ANKS1B: variants seen among roughly 807,000 people sequenced by gnomAD.
ANKS1B encodes the protein ankyrin repeat and sterile alpha motif domain-containing protein 1B.
A neutral mutation model predicts 148.3 loss-of-function variants in ANKS1B; 36 were observed. The ratio of observed to expected loss-of-function variants is 0.24; its 90% confidence interval spans 0.19 to 0.32. The LOEUF (loss-of-function observed/expected upper bound fraction) is 0.32, where lower values mean the gene tolerates loss of function less well. Ranked by LOEUF, ANKS1B falls within the 10% of genes least tolerant of loss-of-function variation. The probability of loss-of-function intolerance (pLI) is 1.00; values close to 1 mark genes in which losing one functional copy is unlikely to be tolerated. For synonymous variants in ANKS1B, 542 were observed against 560.8 expected (o/e 0.97, Z 0.47); for missense variants, 1,157 against 1,542.6 (o/e 0.75, Z 4.19).
intron 9 of ANKS1B, among the ~76,000 whole-genome samples, chr12:99,555,384 A>T (rs1224881158): frequency 6.6e-6 from 1 of 152,178 alleles, no homozygotes; most frequent in Non-Finnish European, 1.5e-5. Flanking sequence ...CACACCTTCA[A>T]ACAGAAATAG....
intron 1 of ANKS1B, among the ~76,000 whole-genome samples, chr12:99,980,876 A>C (rs572745472): frequency 6.6e-6 from 1 of 152,190 alleles, no homozygotes; most frequent in Non-Finnish European, 1.5e-5. Flanking sequence ...AATGAAAAGA[A>C]AAATTTTAAA....
At chr12:99,457,673 AAGAC>A (rs1942053460) in intron 10 of ANKS1B, among the ~76,000 whole-genome samples, 8 of 152,132 alleles carry the variant, frequency 5.3e-5, no homozygotes, top group Admixed American at 5.2e-4. Flanking sequence ...GCAGTTAAAA[AAGAC>A]AAAGAAGGAC....
At chr12:99,202,761 T>C (rs1324567117) in intron 14 of ANKS1B, among the ~76,000 whole-genome samples, 1 of 152,214 alleles carries the variant, frequency 6.6e-6, no homozygotes, top group Non-Finnish European at 1.5e-5. Context: ...ATATTACAAT[T>C]TGGGCTAGGC....
At chr12:98,993,058 C>T (rs888104751) in intron 17 of ANKS1B, among the ~76,000 whole-genome samples, 84 of 152,314 alleles carry the variant, frequency 5.5e-4, no homozygotes, top group Middle Eastern at 3.4e-3. Context: ...TGGTTCTCTT[C>T]TTTATATATT....
intron 10 of ANKS1B, among the ~76,000 whole-genome samples, chr12:99,462,994 T>C (rs2096010720): frequency 6.6e-6 from 1 of 152,222 alleles, no homozygotes; most frequent in African/African-American, 2.4e-5. Context: ...CCTGCAGAAC[T>C]GCAAGCCAAA....
At chr12:99,717,329 T>C (rs1458606693) in intron 8 of ANKS1B, among the ~76,000 whole-genome samples, 1 of 152,114 alleles carries the variant, frequency 6.6e-6, no homozygotes, top group Non-Finnish European at 1.5e-5. Context: ...AGCAACATAT[T>C]TCTGAGTTAC....
intron 12 of ANKS1B, among the ~76,000 whole-genome samples, chr12:99,275,074 T>C (rs539789791): frequency 6.6e-6 from 1 of 152,180 alleles, no homozygotes; most frequent in East Asian, 1.9e-4. Context: ...TGTGGGTAGA[T>C]AGTAGGTGTA....
At chr12:99,761,236 GAC>G (rs147419547) in intron 8 of ANKS1B, among the ~76,000 whole-genome samples, 3 of 149,294 alleles carry the variant, frequency 2.0e-5, no homozygotes, top group Admixed American at 6.7e-5. Context: ...ACCTGGCAAA[GAC>G]ACACACACAC....
rs1594965812 is a variant in ANKS1B, at chr12:98,832,277, T to C, written c.2779-141A>G. ...TGTGGTGTCACTTCAGTGTGACCGC[T>C]GAAGTCCAGAAAGATTGCAGTAGCA... On this transcript the variant is annotated intron_variant, in intron 17 of 26. Coordinates refer to ENST00000683438, the MANE Select transcript of ANKS1B (RefSeq NM_001352186.2). The C allele has an allele frequency of 5.8e-5, 38 of 650,516 alleles. No individual in the cohort carries two copies. In the East Asian group the frequency reaches 1.1e-3, roughly 19 times the overall value. 40.3% of individuals were successfully genotyped at this position (650,516 alleles called of 1,614,324 possible). A position where few individuals can be genotyped will look rare whatever the true frequency, so the allele number is the denominator to read the frequency against.
At chr12:99,346,485 G>C (rs1158248733) in intron 12 of ANKS1B, among the ~76,000 whole-genome samples, 1 of 151,796 alleles carries the variant, frequency 6.6e-6, no homozygotes, top group Non-Finnish European at 1.5e-5. Flanking sequence ...TGAAGCATGT[G>C]AGAGGTCTGG....
chr12:99,369,747 A>AAGAT (rs75456516), intron 12 of ANKS1B, among the ~76,000 whole-genome samples: 31,954 of 143,096 alleles, frequency 0.22, 3,599 homozygotes, highest in Admixed American at 0.28. Context: ...AATGGATAGA[A>AAGAT]AGATAGATAG....
chr12:99,330,822 G>C (rs2087383973), intron 12 of ANKS1B, among the ~76,000 whole-genome samples: 1 of 151,866 alleles, frequency 6.6e-6, no homozygotes, highest in Non-Finnish European at 1.5e-5. Flanking sequence ...ATAACTAACA[G>C]AAAAATTGGG....
At chr12:99,280,879 T>G (rs2153999760) in intron 12 of ANKS1B, among the ~76,000 whole-genome samples, 1 of 151,796 alleles carries the variant, frequency 6.6e-6, no homozygotes, top group African/African-American at 2.4e-5. Context: ...TGTCTCTCTC[T>G]CTCTCTCACA....
intron 19 of ANKS1B, among the ~76,000 whole-genome samples, chr12:98,824,146 T>C (rs2099226307): frequency 6.6e-6 from 1 of 152,268 alleles, no homozygotes; most frequent in Non-Finnish European, 1.5e-5. Flanking sequence ...TGATATTTTT[T>C]GTTACAATTT....
At chr12:99,660,832 C>T (rs1468742835) in intron 8 of ANKS1B, among the ~76,000 whole-genome samples, 1 of 152,234 alleles carries the variant, frequency 6.6e-6, no homozygotes, top group African/African-American at 2.4e-5. Flanking sequence ...AAAGGCTATG[C>T]ATGATCTGCC....
chr12:99,552,211 T>A (rs923653715), intron 9 of ANKS1B, among the ~76,000 whole-genome samples: 6 of 152,164 alleles, frequency 3.9e-5, no homozygotes, highest in African/African-American at 1.4e-4. Flanking sequence ...ACAATTATAA[T>A]GAAATGATTG....
intron 17 of ANKS1B, among the ~76,000 whole-genome samples, chr12:98,857,652 T>C (rs1433999576): frequency 6.6e-6 from 1 of 151,456 alleles, no homozygotes; most frequent in Non-Finnish European, 1.5e-5. Flanking sequence ...TATGAATAAA[T>C]GAATGAATGA....
At position 99,780,442 on chromosome 12, in the gene ANKS1B, A is replaced by AT. The variant is rs36088512; in HGVS notation, c.746-471dup. On this transcript the variant is annotated intron_variant, in intron 5 of 26. Coordinates refer to ENST00000683438, the MANE Select transcript of ANKS1B (RefSeq NM_001352186.2). ...AGGTGCCCACCACCATGCCCAACTA[A>AT]TTTTTTTTTTTTTGTATTTTTAGTA... Among the ~76,000 whole-genome samples, 322 of 147,964 alleles carry AT rather than the reference A, an allele frequency of 2.2e-3. 2 individuals carry two copies. The highest frequency in any genetic ancestry group is 3.0e-3 in the South Asian group (14 of 4,652).
Position 99,318,516 on chromosome 12 carries a change from T to C in ANKS1B, c.1757-71652A>G, listed in dbSNP as rs185382188. 4.3e-4 allele frequency among the ~76,000 whole-genome samples: 65 copies of C among 152,324 alleles called. 1 individual carries two copies. The East Asian group carries it at 0.01, about 23-fold the overall frequency. Reference sequence around the variant, plus strand: ...TATTTCTGTGGGACCAGTGGTGATATCCCCTTTATCATTTTTTTATTGTGT... The same window carrying C: ...TATTTCTGTGGGACCAGTGGTGATACCCCCTTTATCATTTTTTTATTGTGT... On this transcript the variant is annotated intron_variant, in intron 12 of 26. Transcript: ENST00000683438.
Sources: gnomAD v4.1 joint callset for allele counts (sites outside exome capture counted in the v4.1 genomes callset) on GRCh38, gnomAD v4.1.1 for gene constraint, MANE v1.5 for transcripts, NCBI Gene and HGNC (gene_info 2026-07-23, HGNC 2026-07-21) for gene names.